The following EPHA5 variants were observed in gnomAD, a reference collection of about 807,000 sequenced individuals.
The protein encoded by EPHA5 is EPH receptor A5, also known as ephrin type-A receptor 5.
A neutral mutation model predicts 105.0 loss-of-function variants in EPHA5; 60 were observed. The ratio of observed to expected loss-of-function variants is 0.57; its 90% CI spans 0.46 to 0.71. EPHA5 has a LOEUF of 0.71. Among genes scored for constraint, EPHA5 ranks in the 30% least tolerant of loss-of-function variants. The probability of loss-of-function intolerance (pLI) is 0.00; values close to 1 mark genes in which losing one functional copy is unlikely to be tolerated. For missense variants in EPHA5, 1,218 were observed against 1,274.7 expected (o/e 0.96, Z 0.68); for synonymous variants, 513 against 449.1 (o/e 1.14, Z -1.80).
intron 5 of EPHA5, among the ~76,000 whole-genome samples, chr4:65,440,691 T>C (rs931884172): frequency 1.8e-4 from 28 of 151,962 alleles, no homozygotes; most frequent in Non-Finnish European, 2.1e-4. Flanking sequence ...TCCAGGCATA[T>C]GCAAAGCAAG....
chr4:65,641,086 T>G (rs1747622719), intron 2 of EPHA5, among the ~76,000 whole-genome samples: 1 of 152,156 alleles, frequency 6.6e-6, no homozygotes, highest in Admixed American at 6.5e-5. Context: ...TACAATGTAG[T>G]CTTCTAGAGA....
At chr4:65,495,818 A>G (rs1731876616) in intron 3 of EPHA5, among the ~76,000 whole-genome samples, 1 of 152,206 alleles carries the variant, frequency 6.6e-6, no homozygotes, top group Non-Finnish European at 1.5e-5. Context: ...TATTGATAAA[A>G]GGCAAATATT....
intron 8 of EPHA5, among the ~76,000 whole-genome samples, chr4:65,393,074 A>G (rs1720881625): frequency 6.6e-6 from 1 of 152,190 alleles, no homozygotes; most frequent in African/African-American, 2.4e-5. Flanking sequence ...TTTTTCCTCT[A>G]TTCATGACAG....
chr4:65,539,726 C>T lies in EPHA5; in HGVS notation c.911-44183G>A, dbSNP rs1034410014. ...CTTAAAAGCATACTGTTTTGAAAAC[C>T]TGGATAATTCAGATAATACTGCATT... On this transcript the variant is annotated intron_variant, in intron 3 of 16. Transcript: ENST00000613740. 2.6e-5 allele frequency among the ~76,000 whole-genome samples: 4 copies of T among 151,452 alleles called. No homozygotes were observed. The South Asian group carries it at 6.2e-4, about 24-fold the overall frequency.
chr4:65,602,189 T>G lies in EPHA5; in HGVS notation c.362A>C (p.Glu121Ala), dbSNP rs763366282. The G allele has an allele frequency of 6.8e-6, 11 of 1,614,012 alleles. No homozygotes were observed. The highest frequency in any genetic ancestry group is 8.5e-6 in the Non-Finnish European group (10 of 1,180,018). Residue 121 changes from glutamate to alanine, a missense_variant, in exon 3 of 17, where the codon GAA (glutamate) becomes GCA (alanine). This residue lies in a region of EPHA5 where 233 missense variants were observed against 227.5 expected (regional missense o/e 1.02). Transcript: ENST00000613740. The stretch of plus-strand genomic sequence containing the variant: ...TTCTATGAAGATTCTGGAAGCACCT[T>G]CATTGGAGATCCAACTGGTCAAAAG... ...NWLLTSWISNEGASRIFIELK... is the reference protein window; with the variant it reads ...NWLLTSWISNAGASRIFIELK...
chr4:65,352,961 ACATCACAGCATCAT>A, intron 12 of EPHA5, 67 bp downstream of exon 12: 1 of 947,570 alleles, frequency 1.1e-6, no homozygotes. Context: ...TTCAACTTCA[ACATCACAGCATCAT>A]CATCACAGCA....
In EPHA5 at chr4:65,669,544, C is replaced by G. The variant is rs755201018; in HGVS notation, c.181+18G>C. The G allele has an allele frequency of 2.1e-5, 29 of 1,373,534 alleles. No homozygotes were observed. The highest frequency in any genetic ancestry group is 2.7e-5 in the Non-Finnish European group (29 of 1,057,224). 85.1% of individuals were successfully genotyped at this position (1,373,534 alleles called of 1,614,324 possible). ...CCTCCGCCCCAGGTCGCCACGGTCC[C>G]CACCCCCATCTCCCTACCTTCGTTG... is the stretch of plus-strand genomic sequence containing the variant. On this transcript the variant is annotated intron_variant, in intron 1 of 16. Transcript: ENST00000613740.
In EPHA5 at chr4:65,322,877, G is replaced by T. The variant is rs2148773038; in HGVS notation, c.*1237C>A. On this transcript the variant is annotated 3_prime_UTR_variant, in exon 17 of 17. Coordinates refer to ENST00000613740, the MANE Select transcript of EPHA5 (RefSeq NM_001281766.3). ...ATATATTTGTCATAATTCCATTGCT[G>T]CCTTAGAGTCAAAATTTCTAGAACT... The T allele has an allele frequency of 4.4e-6, 1 of 229,096 alleles. No homozygotes were observed. The highest frequency in any genetic ancestry group is 2.2e-5 in the African/African-American group (1 of 45,092). 14.2% of individuals were successfully genotyped at this position (229,096 alleles called of 1,614,324 possible).
intron 2 of EPHA5, among the ~76,000 whole-genome samples, chr4:65,605,421 T>C (rs1744133100): frequency 1.3e-5 from 2 of 152,184 alleles, no homozygotes; most frequent in African/African-American, 4.8e-5. Context: ...TCCTACCTTG[T>C]TGGCATTGCT....
At position 65,633,583 on chromosome 4, in the gene EPHA5, C is replaced by G. The variant is rs569412212; in HGVS notation, c.246+9780G>C. Among the ~76,000 whole-genome samples, 6 of 151,788 alleles carry G rather than the reference C, an allele frequency of 4.0e-5. No individual in the cohort carries two copies. In the East Asian group the frequency reaches 1.2e-3, roughly 29 times the overall value. On this transcript the variant is annotated intron_variant, in intron 2 of 16. Transcript: ENST00000613740. ...GATTTTTTTTTCAAAAGAAAAATAA[C>G]TTTAGGCCTGGGTTTTGCATGGACT...
chr4:65,443,916 T>C (rs1726255108), intron 5 of EPHA5, among the ~76,000 whole-genome samples: 1 of 151,960 alleles, frequency 6.6e-6, no homozygotes, highest in South Asian at 2.1e-4. Context: ...TGTGTGTGTG[T>C]GTGTGTGTGT....
intron 16 of EPHA5, among the ~76,000 whole-genome samples, chr4:65,327,601 T>C (rs1264487367): frequency 6.6e-6 from 1 of 151,308 alleles, no homozygotes; most frequent in Non-Finnish European, 1.5e-5. Flanking sequence ...ATAACTATAA[T>C]AATGCATGCA....
intron 13 of EPHA5, 96 bp from the exon 14 acceptor site, chr4:65,348,299 A>C: frequency 8.8e-7 from 1 of 1,131,678 alleles, no homozygotes; most frequent in Non-Finnish European, 1.2e-6. Flanking sequence ...GAGATGTAGC[A>C]TTTTTAAGTG....
chr4:65,326,249 C>G (rs1186679229), intron 16 of EPHA5, among the ~76,000 whole-genome samples: 1 of 150,880 alleles, frequency 6.6e-6, no homozygotes, highest in African/African-American at 2.4e-5. Flanking sequence ...AATTACTTAG[C>G]TATAAAACAC....
intron 5 of EPHA5, among the ~76,000 whole-genome samples, chr4:65,463,041 T>C (rs918398960): frequency 2.6e-5 from 4 of 152,164 alleles, no homozygotes; most frequent in African/African-American, 4.8e-5. Context: ...ATAAATTCTG[T>C]TTAAAGTATT....
At chr4:65,354,040 T>C (rs1723074629) in intron 11 of EPHA5, among the ~76,000 whole-genome samples, 1 of 151,784 alleles carries the variant, frequency 6.6e-6, no homozygotes. Flanking sequence ...CTTATTATTA[T>C]GGATCCCGGG....
At chr4:65,573,558 G>T in intron 3 of EPHA5, 1 of 1,598,154 alleles carries the variant, frequency 6.3e-7, no homozygotes, top group South Asian at 1.1e-5. Context: ...TAACCTCAAA[G>T]CTAAAAAGCC....
At chr4:65,446,975 A>ATTTTTTTTTTTTTTTTTTT (rs397993760) in intron 5 of EPHA5, among the ~76,000 whole-genome samples, 1 of 112,918 alleles carries the variant, frequency 8.9e-6, no homozygotes, top group Non-Finnish European at 1.8e-5. Context: ...TTAAAAGCTC[A>ATTTTTTTTTTTTTTTTTTT]TTTTTTTTTT....
At chr4:65,533,689 C>A (rs1024845476) in intron 3 of EPHA5, among the ~76,000 whole-genome samples, 3 of 152,114 alleles carry the variant, frequency 2.0e-5, no homozygotes, top group South Asian at 4.1e-4. Context: ...AATCCCAGAA[C>A]TTTGGGAGGC....
Sources: gnomAD v4.1 joint callset for allele counts (sites outside exome capture counted in the v4.1 genomes callset) on GRCh38, gnomAD v4.1.1 for gene constraint, gnomAD v4.1.1 regional missense constraint, MANE v1.5 for transcripts, NCBI Gene and HGNC (gene_info 2026-07-23, HGNC 2026-07-21) for gene names.